SENP6: variants seen among roughly 807,000 people sequenced by gnomAD.
SENP6 encodes the protein sentrin-specific protease 6.
In SENP6, 41 loss-of-function variants were observed where a neutral mutation model predicts 134.5. That is an observed-to-expected ratio of 0.30 (90% confidence interval 0.24 to 0.40). SENP6 has a LOEUF of 0.40. Ranked by LOEUF, SENP6 falls within the 10% of genes least tolerant of loss-of-function variation. SENP6 has a pLI of 1.00. For missense variants in SENP6, 1,248 were observed against 1,312.5 expected, an observed-to-expected ratio of 0.95 and a Z score of 0.76; for synonymous variants, 395 against 429.8, an observed-to-expected ratio of 0.92 and a Z score of 1.00.
chr6:75,638,622 A>AT (rs57353168), intron 5 of SENP6, among the ~76,000 whole-genome samples: 5 of 29,892 alleles, frequency 1.7e-4, no homozygotes, highest in Non-Finnish European at 2.3e-4. Context: ...ATATATATAT[A>AT]TTTTTTTTTT....
intron 1 of SENP6, among the ~76,000 whole-genome samples, chr6:75,604,052 G>C (rs1462561350): frequency 6.6e-6 from 1 of 152,078 alleles, no homozygotes; most frequent in Non-Finnish European, 1.5e-5. Flanking sequence ...TGGCTTACTC[G>C]TGCTTATTAT....
intron 16 of SENP6, among the ~76,000 whole-genome samples, chr6:75,691,720 G>C (rs1404020364): frequency 6.6e-6 from 1 of 151,796 alleles, no homozygotes; most frequent in Admixed American, 6.6e-5. Flanking sequence ...TCAGCCTCCC[G>C]AGTAGCTGGG....
intron 1 of SENP6, among the ~76,000 whole-genome samples, chr6:75,608,231 CAGG>C (rs1478577204): frequency 6.6e-6 from 1 of 152,064 alleles, no homozygotes; most frequent in Non-Finnish European, 1.5e-5. Flanking sequence ...GAGGCCAAGG[CAGG>C]AGGATTGCTT....
At position 75,690,729 on chromosome 6, in the gene SENP6, T is replaced by TGTCACCCAGGCTCTGGA. The variant is rs561545554; in HGVS notation, c.2076-5072_2076-5056dup. On this transcript the variant is annotated intron_variant, in intron 16 of 23. Coordinates refer to ENST00000447266, the MANE Select transcript of SENP6 (RefSeq NM_015571.4). ...TTTTTTTGAGATGAGAGTCTCGCTC[T>TGTCACCCAGGCTCTGGA]GTCACCCAGGCTCTGGAGTGCAGTG... Among the ~76,000 whole-genome samples, 683 of 148,402 alleles carry TGTCACCCAGGCTCTGGA rather than the reference T, an allele frequency of 4.6e-3. 7 individuals carry two copies. The highest frequency in any genetic ancestry group is 0.016 in the African/African-American group (604 of 38,482).
chr6:75,640,994 T>C (rs570482657), intron 6 of SENP6, among the ~76,000 whole-genome samples: 1 of 152,294 alleles, frequency 6.6e-6, no homozygotes, highest in African/African-American at 2.4e-5. Context: ...TCTGGCTTTT[T>C]GAAAACATAA....
intron 3 of SENP6, among the ~76,000 whole-genome samples, chr6:75,630,402 C>T (rs1769022088): frequency 6.6e-6 from 1 of 152,166 alleles, no homozygotes; most frequent in African/African-American, 2.4e-5. Context: ...CAGGAAACTA[C>T]CGGCAAGAAA....
chr6:75,653,343 A>G (rs1771063333), intron 7 of SENP6, among the ~76,000 whole-genome samples: 1 of 151,968 alleles, frequency 6.6e-6, no homozygotes. Flanking sequence ...ACTTTTTTCT[A>G]ATGTTGTCAA....
Position 75,703,051 on chromosome 6 carries a change from T to C in SENP6, c.2695T>C (p.Leu899=). The change falls in exon 19 of 24, where the codon TTA becomes CTA. Residue 899 remains leucine, a synonymous_variant. Transcript: ENST00000447266. ...TGAGAATGGCCTACAGAATGAAAGTTTAAGTTCCACACATCATACAGGTAT... is the reference window on the plus strand; with the variant it reads ...TGAGAATGGCCTACAGAATGAAAGTCTAAGTTCCACACATCATACAGGTAT... ...KSENGLQNES[L]SSTHHTDGLS... The C allele has an allele frequency of 6.2e-7, 1 of 1,608,590 alleles. No individual in the cohort carries two copies. Among genetic ancestry groups the C allele is most frequent in the Non-Finnish European group, 8.5e-7 (1 of 1,178,018 alleles).
chr6:75,704,463 G>C (rs1775252743), intron 19 of SENP6, among the ~76,000 whole-genome samples: 1 of 152,208 alleles, frequency 6.6e-6, no homozygotes. Flanking sequence ...GAATAACAAA[G>C]GAGCATTGCT....
At chr6:75,616,620 C>T (rs1205145120) in intron 1 of SENP6, among the ~76,000 whole-genome samples, 1 of 151,914 alleles carries the variant, frequency 6.6e-6, no homozygotes, top group Non-Finnish European at 1.5e-5. Context: ...GTAGCATGCG[C>T]CTGTAATCCC....
At chr6:75,685,566 T>G (rs982759840) in intron 16 of SENP6, among the ~76,000 whole-genome samples, 1 of 152,210 alleles carries the variant, frequency 6.6e-6, no homozygotes, top group African/African-American at 2.4e-5. Flanking sequence ...TTAAGGTGAT[T>G]TAAATGTGTC....
intron 10 of SENP6, among the ~76,000 whole-genome samples, chr6:75,668,528 A>G (rs937036459): frequency 2.0e-5 from 3 of 152,240 alleles, no homozygotes; most frequent in Non-Finnish European, 4.4e-5. Flanking sequence ...TGAAAATGAA[A>G]TTAAAATACC....
chr6:75,674,919 T>C (rs1772970140), intron 11 of SENP6, among the ~76,000 whole-genome samples: 4 of 152,226 alleles, frequency 2.6e-5, no homozygotes, highest in African/African-American at 9.6e-5. Flanking sequence ...TCATTTATCT[T>C]GTTTTTTAAT....
chr6:75,666,275 TTA>T (rs949396961), intron 9 of SENP6, among the ~76,000 whole-genome samples: 2 of 146,794 alleles, frequency 1.4e-5, no homozygotes, highest in South Asian at 2.1e-4. Flanking sequence ...AAAATATATA[TTA>T]TATATATATA....
At chr6:75,691,004 T>G (rs1774204338) in intron 16 of SENP6, among the ~76,000 whole-genome samples, 1 of 147,762 alleles carries the variant, frequency 6.8e-6, no homozygotes, top group Non-Finnish European at 1.5e-5. Flanking sequence ...GTGCTCAGCC[T>G]AATTTTTTTT....
intron 16 of SENP6, 70 bp downstream of exon 16, chr6:75,678,997 C>A (rs183163244): frequency 5.2e-6 from 4 of 769,070 alleles, no homozygotes; most frequent in Admixed American, 5.6e-5. Flanking sequence ...CTTTGTTTTC[C>A]AGAGTCAGGC....
chr6:75,697,374 C>G (rs1182501899), intron 17 of SENP6, 51 bp from the exon 18 acceptor site: 6 of 1,282,962 alleles, frequency 4.7e-6, no homozygotes, highest in Non-Finnish European at 6.7e-6. Flanking sequence ...TACATATAAG[C>G]TGGAGCACTA....
At chr6:75,700,359 T>C (rs953385607) in intron 18 of SENP6, among the ~76,000 whole-genome samples, 1 of 152,244 alleles carries the variant, frequency 6.6e-6, no homozygotes, top group South Asian at 2.1e-4. Flanking sequence ...AAAAGGATTT[T>C]TCCTAGTTTT....
Position 75,644,197 on chromosome 6 carries a change from T to C in SENP6, c.479+3493T>C, listed in dbSNP as rs1043411924. 6 of 151,242 alleles carry C rather than the reference T, an allele frequency of 4.0e-5. No individual in the cohort carries two copies. In the East Asian group the frequency reaches 1.2e-3, roughly 29 times the overall value. 9.4% of individuals were successfully genotyped at this position (151,242 alleles called of 1,614,324 possible). A position where few individuals can be genotyped will look rare whatever the true frequency, so the allele number is the denominator to read the frequency against. On this transcript the variant is annotated intron_variant, in intron 6 of 23. Transcript: ENST00000447266. The stretch of plus-strand genomic sequence containing the variant: ...ATTCTTGTAAACTGTGTATGTTTTA[T>C]CACAGTAAAAAAGAAAAAAAAAACA...
Sources: allele counts gnomAD v4.1 joint callset (sites outside exome capture counted in the v4.1 genomes callset), GRCh38; gene constraint gnomAD v4.1.1; transcripts MANE v1.5; gene names NCBI Gene and HGNC (gene_info 2026-07-23, HGNC 2026-07-21).